The following PLPPR4 variants were observed in gnomAD, a reference collection of about 807,000 sequenced individuals.
The protein encoded by PLPPR4 is phospholipid phosphatase-related protein type 4.
A neutral mutation model predicts 56.6 loss-of-function variants in PLPPR4; 24 were observed. That is an observed-to-expected ratio of 0.42 (90% confidence interval 0.31 to 0.60). PLPPR4 has a LOEUF of 0.60. PLPPR4 is among the 20% of genes least tolerant of loss of function. The pLI, the probability that PLPPR4 is intolerant of heterozygous loss-of-function variation, is 0.13. For synonymous variants in PLPPR4, 326 were observed against 328.1 expected, an observed-to-expected ratio of 0.99 and a Z score of 0.07; for missense variants, 654 against 885.8, an observed-to-expected ratio of 0.74 and a Z score of 3.32.
In PLPPR4 at chr1:99,303,432, G is replaced by A. The variant is rs563452324; in HGVS notation, c.822+1535G>A. On this transcript the variant is annotated intron_variant, in intron 6 of 6. Coordinates refer to ENST00000370185, the MANE Select transcript of PLPPR4 (RefSeq NM_014839.5). ...GGAATTCAAAAGAGCAATCAGTATT[G>A]GAGAAGGATATTTAATGGAAGTACC... is the stretch of plus-strand genomic sequence containing the variant. 7.9e-5 allele frequency among the ~76,000 whole-genome samples: 12 copies of A among 152,234 alleles called. No homozygotes were observed. In the South Asian group the frequency reaches 8.3e-4, roughly 11 times the overall value.
intron 4 of PLPPR4, among the ~76,000 whole-genome samples, chr1:99,299,440 A>G (rs1486362796): frequency 2.0e-5 from 3 of 151,860 alleles, no homozygotes; most frequent in African/African-American, 7.3e-5. Context: ...TCAGCCTCAC[A>G]TTTTTGCTAC....
intron 1 of PLPPR4, among the ~76,000 whole-genome samples, chr1:99,273,231 G>C (rs12021772): frequency 1.5e-4 from 23 of 152,132 alleles, no homozygotes; most frequent in Non-Finnish European, 2.8e-4. Context: ...AAGCAACATA[G>C]AGGAGGTTAA....
At chr1:99,285,418 G>A (rs1013261928) in intron 1 of PLPPR4, among the ~76,000 whole-genome samples, 2 of 152,128 alleles carry the variant, frequency 1.3e-5, no homozygotes, top group African/African-American at 4.8e-5. Context: ...ACCACGAAGC[G>A]CTGATTTATT....
At position 99,306,993 on chromosome 1, in the gene PLPPR4, C is replaced by T. The variant is rs998231690; in HGVS notation, c.2131C>T (p.Arg711Trp). 1.9e-6 allele frequency: 3 copies of T among 1,601,678 alleles called. No homozygotes were observed. Among genetic ancestry groups the T allele is most frequent in the Non-Finnish European group, 1.7e-6 (2 of 1,177,444 alleles). The change falls in exon 7 of 7, where the codon CGG (arginine) becomes TGG (tryptophan). Residue 711 changes from arginine to tryptophan, a missense_variant. By Grantham distance (101) the Arg-to-Trp change is moderately radical (BLOSUM62 -3). Coordinates refer to ENST00000370185, the MANE Select transcript of PLPPR4 (RefSeq NM_014839.5). The surrounding 1 kb of genome is among the most constrained non-coding windows in gnomAD (Gnocchi z 4.0). ...NIFYKGTSPT[R>W]AYKD Reference sequence around the variant, plus strand: ...CTTCTACAAAGGAACCTCCCCCACACGGGCTTATAAGGATTGAGTGATGTC... The same window carrying T: ...CTTCTACAAAGGAACCTCCCCCACATGGGCTTATAAGGATTGAGTGATGTC...
intron 1 of PLPPR4, among the ~76,000 whole-genome samples, chr1:99,276,056 G>A (rs188806510): frequency 3.1e-4 from 47 of 152,264 alleles, no homozygotes; most frequent in African/African-American, 1.1e-3. Flanking sequence ...AGTTATTAAT[G>A]TCCCACATTA....
At chr1:99,273,136 G>A (rs1659100314) in intron 1 of PLPPR4, among the ~76,000 whole-genome samples, 1 of 152,016 alleles carries the variant, frequency 6.6e-6, no homozygotes, top group Non-Finnish European at 1.5e-5. Context: ...ACTAATTTTG[G>A]CAGAACTAAC....
At chr1:99,295,357 G>A (rs185573388) in intron 2 of PLPPR4, among the ~76,000 whole-genome samples, 354 of 152,244 alleles carry the variant, frequency 2.3e-3, no homozygotes, top group Non-Finnish European at 3.9e-3. Flanking sequence ...TAGGCTTGCT[G>A]TCATTAGATT....
In PLPPR4 at chr1:99,306,228, A is replaced by C. The variant is rs747394688; in HGVS notation, c.1366A>C (p.Ile456Leu). The change falls in exon 7 of 7, where the codon ATC (isoleucine) becomes CTC (leucine). Residue 456 changes from isoleucine to leucine, a missense_variant. Physicochemically the swap from Ile to Leu is conservative, Grantham distance 5 (BLOSUM62 2). Coordinates refer to ENST00000370185, the MANE Select transcript of PLPPR4 (RefSeq NM_014839.5). This position sits in a 1 kb window ranked among gnomAD's most constrained non-coding sequence, Gnocchi z 4.0. ...HHGPGNQYLKIQPGAVPGCNN... is the reference protein window; with the variant it reads ...HHGPGNQYLKLQPGAVPGCNN... ...TGGTCCTGGCAATCAGTACCTCAAA[A>C]TCCAGCCTGGCGCTGTCCCCGGATG... is the stretch of plus-strand genomic sequence containing the variant. 6.2e-7 allele frequency: 1 copy of C among 1,614,078 alleles called. No homozygotes were observed. Among genetic ancestry groups the C allele is most frequent in the Non-Finnish European group, 8.5e-7 (1 of 1,179,984 alleles).
intron 2 of PLPPR4, among the ~76,000 whole-genome samples, chr1:99,295,253 T>A (rs1362341223): frequency 1.3e-5 from 2 of 152,198 alleles, no homozygotes; most frequent in Admixed American, 1.3e-4. Flanking sequence ...CTCTTTAAAT[T>A]TTTAATACAA....
chr1:99,305,192 G>C (rs565769005), intron 6 of PLPPR4, among the ~76,000 whole-genome samples: 2 of 152,008 alleles, frequency 1.3e-5, no homozygotes, highest in Non-Finnish European at 2.9e-5. Flanking sequence ...ATATGTCTCC[G>C]ACCTTCTTTC....
At chr1:99,287,436 T>G (rs1480228342) in intron 1 of PLPPR4, among the ~76,000 whole-genome samples, 1 of 152,210 alleles carries the variant, frequency 6.6e-6, no homozygotes, top group Non-Finnish European at 1.5e-5. Context: ...CAAATGGTAT[T>G]TCTGGTTCTA....
chr1:99,297,486 G>T (rs1467448818), intron 3 of PLPPR4, among the ~76,000 whole-genome samples: 5 of 152,122 alleles, frequency 3.3e-5, no homozygotes, highest in African/African-American at 1.2e-4. Context: ...TGTTGTTCCA[G>T]TCATAGGTCT....
intron 6 of PLPPR4, among the ~76,000 whole-genome samples, chr1:99,302,358 G>T (rs961267102): frequency 4.0e-5 from 6 of 151,744 alleles, no homozygotes; most frequent in East Asian, 3.9e-4. Flanking sequence ...CCCCTCTAAG[G>T]GAAATATCCT....
Position 99,266,857 on chromosome 1 carries a change from G to A in PLPPR4, c.78+2186G>A, listed in dbSNP as rs78039943. The stretch of plus-strand genomic sequence containing the variant: ...AGGGTTTGACCACATGCACTATCAC[G>A]CTCCTTTGAAATGACTCATTTTGAA... On this transcript the variant is annotated intron_variant, in intron 1 of 6. Transcript: ENST00000370185. 5.3e-3 allele frequency among the ~76,000 whole-genome samples: 800 copies of A among 152,298 alleles called. 6 individuals are homozygous for A. The highest frequency in any genetic ancestry group is 6.5e-3 in the Non-Finnish European group (442 of 68,030).
At chr1:99,288,702 T>G (rs1659538337) in intron 2 of PLPPR4, among the ~76,000 whole-genome samples, 1 of 152,102 alleles carries the variant, frequency 6.6e-6, no homozygotes, top group Admixed American at 6.6e-5. Context: ...CTGTTTTATA[T>G]TCAGAAAAGG....
chr1:99,271,197 T>C (rs940734113), intron 1 of PLPPR4, among the ~76,000 whole-genome samples: 3 of 152,244 alleles, frequency 2.0e-5, no homozygotes, highest in Non-Finnish European at 2.9e-5. Flanking sequence ...TCAAGTCTTC[T>C]TTATATGGCA....
At chr1:99,275,368 A>G (rs780751791) in intron 1 of PLPPR4, among the ~76,000 whole-genome samples, 26 of 152,164 alleles carry the variant, frequency 1.7e-4, no homozygotes, top group Non-Finnish European at 2.9e-4. Context: ...ACTAATGGTT[A>G]TTCCATAGAT....
chr1:99,305,616 G>T (rs1198647001), intron 6 of PLPPR4, 69 bp from the exon 7 acceptor site: 2 of 1,484,878 alleles, frequency 1.3e-6, no homozygotes, highest in African/African-American at 2.8e-5. Flanking sequence ...TACTTCAGTG[G>T]GTACTCTAAG....
At chr1:99,279,302 T>C (rs1217403967) in intron 1 of PLPPR4, among the ~76,000 whole-genome samples, 1 of 152,170 alleles carries the variant, frequency 6.6e-6, no homozygotes, top group Non-Finnish European at 1.5e-5. Flanking sequence ...AAGGAAGCAC[T>C]AAAAGCAGGA....
Sources: gnomAD v4.1 joint callset for allele counts (sites outside exome capture counted in the v4.1 genomes callset) on GRCh38, gnomAD v4.1.1 for gene constraint, Gnocchi (gnomAD v3.1) non-coding constraint, MANE v1.5 for transcripts, NCBI Gene and HGNC (gene_info 2026-07-23, HGNC 2026-07-21) for gene names.